Variants in LHFPL3 observed in about 807,000 individuals in gnomAD.
The protein encoded by LHFPL3 is LHFPL tetraspan subfamily member 3, also known as LHFPL tetraspan subfamily member 3 protein.
In LHFPL3, 5 loss-of-function variants were observed where a neutral mutation model predicts 19.3. The observed-to-expected ratio is 0.26, with a 90% CI of 0.14 to 0.54. LHFPL3 has a LOEUF of 0.54. Among genes scored for constraint, LHFPL3 ranks in the 20% least tolerant of loss-of-function variants. LHFPL3 has a pLI of 0.94. For missense variants in LHFPL3, 249 were observed against 307.4 expected, an observed-to-expected ratio of 0.81 and a Z score of 1.42; for synonymous variants, 133 against 126.2, an observed-to-expected ratio of 1.05 and a Z score of -0.36.
intron 1 of LHFPL3, among the ~76,000 whole-genome samples, chr7:104,588,341 C>T (rs552396012): frequency 1.5e-3 from 226 of 152,278 alleles, no homozygotes; most frequent in Non-Finnish European, 2.2e-3. Context: ...ATATGGCTAG[C>T]CAGTTTTCCC....
At chr7:104,787,378 C>G (rs1446978597) in intron 2 of LHFPL3, among the ~76,000 whole-genome samples, 1 of 152,162 alleles carries the variant, frequency 6.6e-6, no homozygotes, top group Non-Finnish European at 1.5e-5. Flanking sequence ...GCGCCTGTAA[C>G]AGAACACCAT....
At chr7:104,816,151 GA>G (rs1386050687) in intron 2 of LHFPL3, among the ~76,000 whole-genome samples, 1 of 152,042 alleles carries the variant, frequency 6.6e-6, no homozygotes, top group Non-Finnish European at 1.5e-5. Flanking sequence ...TGCGCCCTGT[GA>G]AAAAAATGCT....
At chr7:104,861,091 T>C (rs944438307) in intron 2 of LHFPL3, among the ~76,000 whole-genome samples, 2 of 152,232 alleles carry the variant, frequency 1.3e-5, no homozygotes, top group African/African-American at 4.8e-5. Flanking sequence ...TTCTCCATTT[T>C]GTTGTTGATA....
intron 1 of LHFPL3, among the ~76,000 whole-genome samples, chr7:104,718,570 G>A (rs1455135780): frequency 6.6e-6 from 1 of 152,198 alleles, no homozygotes; most frequent in African/African-American, 2.4e-5. Context: ...CCAGGGTGGA[G>A]AGTGAGAATG....
chr7:104,329,098 G>A lies in LHFPL3; in HGVS notation c.319G>A (p.Ala107Thr). The change falls in exon 1 of 3, where the codon GCC (alanine) becomes ACC (threonine). Residue 107 changes from alanine to threonine, a missense_variant. Physicochemically the swap from Ala to Thr is moderately conservative, Grantham distance 58 (BLOSUM62 0). Coordinates refer to ENST00000424859, the MANE Select transcript of LHFPL3 (RefSeq NM_199000.3). Reference sequence around the variant, plus strand: ...CACGCTGCCCTCGGGCGCCTTCAAAGCCGCCTCCTTCTTTATCGGCCTCTC... The same window carrying A: ...CACGCTGCCCTCGGGCGCCTTCAAAACCGCCTCCTTCTTTATCGGCCTCTC... ...FSTLPSGAFK[A>T]ASFFIGLSMM... 6.2e-7 allele frequency: 1 copy of A among 1,614,076 alleles called. No homozygotes were observed. Among genetic ancestry groups the A allele is most frequent in the South Asian group, 1.1e-5 (1 of 91,092 alleles).
At chr7:104,792,096 A>G (rs1032385007) in intron 2 of LHFPL3, among the ~76,000 whole-genome samples, 9 of 152,332 alleles carry the variant, frequency 5.9e-5, no homozygotes, top group African/African-American at 2.2e-4. Flanking sequence ...TCAAAGGTAC[A>G]GAGATTTCCT....
intron 1 of LHFPL3, among the ~76,000 whole-genome samples, chr7:104,407,840 C>T (rs1791450670): frequency 6.6e-6 from 1 of 152,180 alleles, no homozygotes; most frequent in Admixed American, 6.5e-5. Flanking sequence ...GACTTTCTTT[C>T]ATGACAACCA....
chr7:104,895,961 C>T (rs1792349769), intron 2 of LHFPL3: 1 of 152,238 alleles, frequency 6.6e-6, no homozygotes, highest in Admixed American at 6.5e-5. Flanking sequence ...GTGACAGGTT[C>T]GATTTCTCCT....
intron 1 of LHFPL3, among the ~76,000 whole-genome samples, chr7:104,476,001 T>TG (rs74533450): frequency 0.32 from 49,357 of 152,030 alleles, 8,334 homozygotes; most frequent in Middle Eastern, 0.37. Context: ...TCTTCTTGCC[T>TG]GGGTGTAGCA....
At chr7:104,788,835 C>T (rs924701199) in intron 2 of LHFPL3, among the ~76,000 whole-genome samples, 10 of 152,122 alleles carry the variant, frequency 6.6e-5, no homozygotes, top group Non-Finnish European at 1.3e-4. Flanking sequence ...TTCCCTCTCT[C>T]ACTCCTCAAC....
At chr7:104,811,044 A>G in intron 2 of LHFPL3, among the ~76,000 whole-genome samples, 1 of 152,222 alleles carries the variant, frequency 6.6e-6, no homozygotes, top group East Asian at 1.9e-4. Flanking sequence ...GAACTGTCTT[A>G]GGCTTTAGGT....
intron 1 of LHFPL3, among the ~76,000 whole-genome samples, chr7:104,453,668 G>A (rs1363783986): frequency 5.9e-5 from 9 of 152,034 alleles, no homozygotes; most frequent in Non-Finnish European, 8.8e-5. Flanking sequence ...AATCCCCAGC[G>A]TTGGAGGTGG....
chr7:104,440,530 T>G (rs1381783128), intron 1 of LHFPL3, among the ~76,000 whole-genome samples: 1 of 152,028 alleles, frequency 6.6e-6, no homozygotes, highest in Non-Finnish European at 1.5e-5. Flanking sequence ...AACCTGCACA[T>G]TGTGCACATG....
rs1168687253 is a variant in LHFPL3 at position 104,545,019 on chromosome 7, A to G, written c.446-191656A>G. ...TTTATGCCAAAATGGGTACTTGCAC[A>G]TCTCGTCTTGAATTCAAAGCTTTGT... On this transcript the variant is annotated intron_variant, in intron 1 of 2. Coordinates refer to ENST00000424859, the MANE Select transcript of LHFPL3 (RefSeq NM_199000.3). Among the ~76,000 whole-genome samples, 4 of 152,324 alleles carry G rather than the reference A, an allele frequency of 2.6e-5. No homozygotes were observed. In the East Asian group the frequency reaches 7.7e-4, roughly 29 times the overall value.
At chr7:104,462,023 T>A (rs1308848192) in intron 1 of LHFPL3, among the ~76,000 whole-genome samples, 2 of 151,744 alleles carry the variant, frequency 1.3e-5, no homozygotes, top group African/African-American at 4.8e-5. Flanking sequence ...AATTGTGAAT[T>A]CCTGATTTGG....
At chr7:104,868,597 C>T (rs534424683) in intron 2 of LHFPL3, among the ~76,000 whole-genome samples, 1,759 of 152,190 alleles carry the variant, frequency 0.012, 35 homozygotes, top group African/African-American at 0.04. Flanking sequence ...AATGGAAGAA[C>T]ATTCCATGCT....
chr7:104,392,909 G>A (rs141547793), intron 1 of LHFPL3, among the ~76,000 whole-genome samples: 11,013 of 152,208 alleles, frequency 0.072, 442 homozygotes, highest in East Asian at 0.16. Context: ...TCCTGGTTTA[G>A]TCTTGGGAGA....
intron 1 of LHFPL3, among the ~76,000 whole-genome samples, chr7:104,654,920 G>T (rs1010586237): frequency 6.6e-6 from 1 of 152,016 alleles, no homozygotes; most frequent in African/African-American, 2.4e-5. Flanking sequence ...GTTCATACTC[G>T]CACTCCCTTA....
chr7:104,433,575 T>A (rs1376372563), intron 1 of LHFPL3, among the ~76,000 whole-genome samples: 4 of 152,184 alleles, frequency 2.6e-5, no homozygotes, highest in Non-Finnish European at 5.9e-5. Context: ...ATGTCTTCTT[T>A]GAACTCTGCT....
Sources: gnomAD v4.1 joint callset for allele counts (sites outside exome capture counted in the v4.1 genomes callset) on GRCh38, gnomAD v4.1.1 for gene constraint, MANE v1.5 for transcripts, NCBI Gene and HGNC (gene_info 2026-07-23, HGNC 2026-07-21) for gene names.